Variants in PCDH15 observed in about 807,000 individuals in gnomAD.
The protein encoded by PCDH15 is protocadherin-15.
In PCDH15, 129 loss-of-function variants were observed where a neutral mutation model predicts 178.5. That is an observed-to-expected ratio of 0.72 (90% CI 0.63 to 0.84). The LOEUF (loss-of-function observed/expected upper bound fraction) is 0.84, where lower values mean the gene tolerates loss of function less well. Among genes scored for constraint, PCDH15 ranks in the 40% least tolerant of loss-of-function variants. The pLI, the probability that PCDH15 is intolerant of heterozygous loss-of-function variation, is 0.00. For synonymous variants in PCDH15, 800 were observed against 732.0 expected (o/e 1.09, Z -1.50); for missense variants, 2,230 against 2,099.9 (o/e 1.06, Z -1.21).
chr10:55,083,359 AT>A (rs1842090520), intron 2 of PCDH15, among the ~76,000 whole-genome samples: 1 of 151,942 alleles, frequency 6.6e-6, no homozygotes, highest in South Asian at 2.1e-4. Flanking sequence ...AAAATTTGAC[AT>A]TATTTTATAA....
intron 13 of PCDH15, among the ~76,000 whole-genome samples, chr10:54,173,901 CT>C (rs1488361487): frequency 1.3e-5 from 2 of 152,072 alleles, no homozygotes; most frequent in East Asian, 3.9e-4. Flanking sequence ...TGGAAGTCTT[CT>C]TTGAGGAAGC....
chr10:54,650,554 A>G (rs1188237169), intron 2 of PCDH15, among the ~76,000 whole-genome samples: 4 of 152,160 alleles, frequency 2.6e-5, no homozygotes, highest in African/African-American at 4.8e-5. Context: ...CATAATTTCA[A>G]GAGACTTCTT....
At chr10:54,256,528 A>G (rs762096518) in intron 8 of PCDH15, among the ~76,000 whole-genome samples, 4 of 152,172 alleles carry the variant, frequency 2.6e-5, no homozygotes, top group Non-Finnish European at 5.9e-5. Flanking sequence ...AAAAGCTTCA[A>G]GTAATAAGTA....
intron 3 of PCDH15, among the ~76,000 whole-genome samples, chr10:54,885,714 T>C (rs966845346): frequency 6.6e-6 from 1 of 152,006 alleles, no homozygotes; most frequent in Non-Finnish European, 1.5e-5. Context: ...TTTCTGGAAA[T>C]TGATTTTTCT....
At chr10:53,978,987 A>G (rs1270081678) in intron 21 of PCDH15, among the ~76,000 whole-genome samples, 6 of 152,044 alleles carry the variant, frequency 3.9e-5, no homozygotes, top group Admixed American at 3.3e-4. Flanking sequence ...ACTTTCCCAC[A>G]TCTTCTTGTC....
At position 54,072,376 on chromosome 10, in the gene PCDH15, A is replaced by G. The variant is rs1055591315; in HGVS notation, c.2092-5491T>C. Among the ~76,000 whole-genome samples, 6 of 152,324 alleles carry G rather than the reference A, an allele frequency of 3.9e-5. No individual in the cohort carries two copies. The East Asian group carries it at 1.2e-3, about 29-fold the overall frequency. ...CAAGCCAACTTCATTCAGATTGTAG[A>G]GTTTCATTCATGATGTAGAGTGGAG... On this transcript the variant is annotated intron_variant, in intron 17 of 37. Coordinates refer to ENST00000644397, the MANE Select transcript of PCDH15 (RefSeq NM_001384140.1).
At chr10:54,877,000 T>A (rs1474349618) in intron 3 of PCDH15, among the ~76,000 whole-genome samples, 1 of 152,168 alleles carries the variant, frequency 6.6e-6, no homozygotes, top group East Asian at 1.9e-4. Context: ...GAAACTTTAT[T>A]TTCCCTTGAA....
intron 2 of PCDH15, among the ~76,000 whole-genome samples, chr10:55,326,082 A>G (rs1053258587): frequency 1.3e-5 from 2 of 152,144 alleles, no homozygotes; most frequent in Admixed American, 1.3e-4. Context: ...TAGAACATCA[A>G]AAAATAACAG....
At chr10:55,024,521 C>T (rs1345677170) in intron 2 of PCDH15, among the ~76,000 whole-genome samples, 2 of 151,282 alleles carry the variant, frequency 1.3e-5, no homozygotes, top group Admixed American at 1.3e-4. Flanking sequence ...AAATTCCATA[C>T]CCACAGGTCC....
At chr10:54,079,532 T>TAATC in intron 16 of PCDH15, 108 bp from the exon 17 acceptor site, 1 of 967,530 alleles carries the variant, frequency 1.0e-6, no homozygotes, top group Non-Finnish European at 1.7e-6. Flanking sequence ...CCCCTCTCAG[T>TAATC]AATCACAGCT....
intron 2 of PCDH15, among the ~76,000 whole-genome samples, chr10:55,609,960 A>G (rs1843330862): frequency 6.6e-6 from 1 of 152,140 alleles, no homozygotes; most frequent in Admixed American, 6.5e-5. Context: ...CATAATAAGG[A>G]GAAAAAATTG....
chr10:53,898,557 G>A (rs1489117762), intron 26 of PCDH15, among the ~76,000 whole-genome samples: 1 of 152,108 alleles, frequency 6.6e-6, no homozygotes, highest in Non-Finnish European at 1.5e-5. Context: ...AGTAAATATA[G>A]ATCTTCTCAG....
rs772928407 is a variant in PCDH15, at chr10:54,022,942, C to A, written c.2476G>T (p.Val826Phe). Residue 826 changes from valine to phenylalanine, a missense_variant, in exon 19 of 38, where the codon GTC (valine) becomes TTC (phenylalanine). Transcript: ENST00000644397. The part of the protein sequence containing the change: ...SPVFTNSTYT[V>F]LVEENLPAGT... ...GCTGGCAAATTCTCTTCAACAAGGA[C>A]AGTGTATGTTGAATTGGTGAACACA... is the stretch of plus-strand genomic sequence containing the variant. 1 of 1,613,898 alleles carries A rather than the reference C, an allele frequency of 6.2e-7. No homozygotes were observed. The highest frequency in any genetic ancestry group is 8.5e-7 in the Non-Finnish European group (1 of 1,179,860).
At chr10:53,960,087 A>G (rs1160379934) in intron 22 of PCDH15, among the ~76,000 whole-genome samples, 1 of 152,154 alleles carries the variant, frequency 6.6e-6, no homozygotes, top group African/African-American at 2.4e-5. Flanking sequence ...AGAATACTCA[A>G]AGAAGTAACT....
intron 2 of PCDH15, among the ~76,000 whole-genome samples, chr10:54,578,696 C>G (rs891915030): frequency 6.6e-6 from 1 of 151,984 alleles, no homozygotes; most frequent in Non-Finnish European, 1.5e-5. Flanking sequence ...TTAATCTCAC[C>G]CATTTTTTAG....
intron 3 of PCDH15, among the ~76,000 whole-genome samples, chr10:54,398,626 G>T (rs937670615): frequency 1.3e-4 from 20 of 151,918 alleles, no homozygotes; most frequent in Admixed American, 1.1e-3. Flanking sequence ...CTTCAAAAAT[G>T]CCCCCCAACA....
At chr10:53,950,565 T>A (rs932196049) in intron 23 of PCDH15, among the ~76,000 whole-genome samples, 4 of 152,178 alleles carry the variant, frequency 2.6e-5, no homozygotes, top group Admixed American at 2.0e-4. Flanking sequence ...AATATTCACA[T>A]TTAGACTCTA....
At chr10:54,409,723 G>A (rs1159970537) in intron 3 of PCDH15, among the ~76,000 whole-genome samples, 1 of 152,054 alleles carries the variant, frequency 6.6e-6, no homozygotes, top group Non-Finnish European at 1.5e-5. Flanking sequence ...CTCATATGTT[G>A]ATGATATTTG....
intron 3 of PCDH15, among the ~76,000 whole-genome samples, chr10:54,446,805 G>C (rs1425995860): frequency 6.6e-6 from 1 of 151,438 alleles, no homozygotes; most frequent in African/African-American, 2.4e-5. Flanking sequence ...AACATCCCTT[G>C]TTCTCACAAT....
Sources: allele counts gnomAD v4.1 joint callset (sites outside exome capture counted in the v4.1 genomes callset), GRCh38; gene constraint gnomAD v4.1.1; transcripts MANE v1.5; gene names NCBI Gene and HGNC (gene_info 2026-07-23, HGNC 2026-07-21).